The following PCSK2 variants were observed in gnomAD, a reference collection of about 807,000 sequenced individuals.
PCSK2 encodes the protein neuroendocrine convertase 2.
Under a neutral mutation model 69.7 loss-of-function variants are expected in PCSK2, and 14 were observed. The ratio of observed to expected loss-of-function variants is 0.20; its 90% confidence interval spans 0.13 to 0.31. PCSK2 has a LOEUF of 0.31. Among genes scored for constraint, PCSK2 ranks in the 10% least tolerant of loss-of-function variants. The pLI is 1.00. For synonymous variants in PCSK2, 307 were observed against 320.7 expected, an observed-to-expected ratio of 0.96 and a Z score of 0.46; for missense variants, 544 against 842.5, an observed-to-expected ratio of 0.65 and a Z score of 4.39.
At chr20:17,235,098 G>A (rs551442317) in intron 1 of PCSK2, among the ~76,000 whole-genome samples, 3 of 152,252 alleles carry the variant, frequency 2.0e-5, no homozygotes, top group Admixed American at 6.5e-5. Context: ...GTTTATATGC[G>A]AGACACATAT....
intron 2 of PCSK2, among the ~76,000 whole-genome samples, chr20:17,341,294 C>T (rs1990504704): frequency 6.6e-6 from 1 of 152,110 alleles, no homozygotes; most frequent in South Asian, 2.1e-4. Context: ...TCTTCCTACC[C>T]TTACTGCATA....
At chr20:17,238,075 G>A (rs1390590434) in intron 1 of PCSK2, among the ~76,000 whole-genome samples, 3 of 152,120 alleles carry the variant, frequency 2.0e-5, no homozygotes, top group Non-Finnish European at 4.4e-5. Context: ...AAATGGTAAG[G>A]CCTATCCAAG....
At chr20:17,454,196 G>T (rs1041754300) in intron 9 of PCSK2, among the ~76,000 whole-genome samples, 1 of 152,182 alleles carries the variant, frequency 6.6e-6, no homozygotes, top group African/African-American at 2.4e-5. Context: ...GTTTTCCATA[G>T]ATTTTCTTGT....
chr20:17,255,940 T>A (rs1987161623), intron 1 of PCSK2, among the ~76,000 whole-genome samples: 1 of 152,272 alleles, frequency 6.6e-6, no homozygotes, highest in African/African-American at 2.4e-5. Context: ...GGTATTTCTG[T>A]CTTTTCTTCA....
chr20:17,416,646 A>G (rs1274008747), intron 6 of PCSK2, among the ~76,000 whole-genome samples: 1 of 152,230 alleles, frequency 6.6e-6, no homozygotes, highest in East Asian at 1.9e-4. Context: ...TAGAAATATC[A>G]TTTGACCCAG....
At chr20:17,294,766 G>A (rs1251353561) in intron 2 of PCSK2, among the ~76,000 whole-genome samples, 1 of 151,934 alleles carries the variant, frequency 6.6e-6, no homozygotes, top group Non-Finnish European at 1.5e-5. Context: ...CAGTAATCTT[G>A]TCTGTCATTC....
intron 5 of PCSK2, among the ~76,000 whole-genome samples, chr20:17,398,896 A>C (rs1034778521): frequency 4.6e-5 from 7 of 152,202 alleles, no homozygotes; most frequent in Admixed American, 3.3e-4. Context: ...AACCACTGTT[A>C]GTTGATAACT....
chr20:17,278,341 C>T (rs1988171149), intron 2 of PCSK2, among the ~76,000 whole-genome samples: 3 of 152,146 alleles, frequency 2.0e-5, no homozygotes, highest in African/African-American at 7.2e-5. Flanking sequence ...CAATGATAGG[C>T]TGGATTAAGA....
intron 4 of PCSK2, 129 bp from the exon 5 acceptor site, chr20:17,369,111 G>C: frequency 1.3e-6 from 1 of 743,508 alleles, no homozygotes; most frequent in Non-Finnish European, 2.4e-6. Flanking sequence ...TGTGTGATGG[G>C]GCACTCACCC....
At chr20:17,250,710 A>C (rs1986943137) in intron 1 of PCSK2, among the ~76,000 whole-genome samples, 1 of 152,124 alleles carries the variant, frequency 6.6e-6, no homozygotes, top group Admixed American at 6.6e-5. Context: ...TCTTATTTTA[A>C]AAAAACACTA....
intron 11 of PCSK2, among the ~76,000 whole-genome samples, chr20:17,474,648 A>G (rs551107530): frequency 2.0e-5 from 3 of 152,230 alleles, no homozygotes; most frequent in Admixed American, 2.0e-4. Context: ...GGAGAAACAG[A>G]TACGACAGCC....
intron 6 of PCSK2, among the ~76,000 whole-genome samples, chr20:17,423,084 T>C (rs1233665073): frequency 1.3e-5 from 2 of 152,184 alleles, no homozygotes; most frequent in Non-Finnish European, 2.9e-5. Context: ...CCAATTGATT[T>C]AGAAGTTTAT....
intron 10 of PCSK2, among the ~76,000 whole-genome samples, chr20:17,461,437 A>G (rs1028750412): frequency 6.6e-6 from 1 of 152,226 alleles, no homozygotes; most frequent in African/African-American, 2.4e-5. Context: ...GATGAAGAGA[A>G]CGAGACCCAG....
At chr20:17,295,484 CTTAT>C (rs950705170) in intron 2 of PCSK2, among the ~76,000 whole-genome samples, 12 of 146,436 alleles carry the variant, frequency 8.2e-5, no homozygotes, top group South Asian at 4.4e-4. Flanking sequence ...TTTTTATTTA[CTTAT>C]TTATTTATTA....
intron 2 of PCSK2, among the ~76,000 whole-genome samples, chr20:17,318,980 T>C (rs1989779501): frequency 2.0e-5 from 3 of 152,242 alleles, no homozygotes. Flanking sequence ...TGCTCATTTC[T>C]GAGCCAGTGT....
At chr20:17,235,233 T>C (rs1249462951) in intron 1 of PCSK2, among the ~76,000 whole-genome samples, 1 of 152,138 alleles carries the variant, frequency 6.6e-6, no homozygotes, top group Non-Finnish European at 1.5e-5. Context: ...AGTTCTTACA[T>C]TGAAAGTAGA....
rs754614068 is a variant in PCSK2, at chr20:17,260,304, G to A, written c.242G>A (p.Arg81His). The A allele has an allele frequency of 2.0e-5, 33 of 1,613,656 alleles. No homozygotes were observed. The South Asian group carries it at 2.7e-4, about 13-fold the overall frequency. Residue 81 changes from arginine (R) to histidine (H), a missense_variant, in exon 2 of 12, where the codon CGC (arginine) becomes CAC (histidine). By Grantham distance (29) the Arg-to-His change is conservative. Transcript: ENST00000262545. ...HNGLAKAKRR[R>H]SLHHKQQLER... is the part of the protein sequence containing the mutation. ...GGCCTTGCAAAGGCCAAGAGAAGAC[G>A]CAGCCTACACCACAAGCAGCAGCTG...
chr20:17,416,478 T>C (rs772200113), intron 6 of PCSK2, among the ~76,000 whole-genome samples: 13 of 152,152 alleles, frequency 8.5e-5, no homozygotes, highest in Non-Finnish European at 1.6e-4. Flanking sequence ...TGAGATACCA[T>C]CTCACACCAG....
chr20:17,440,726 G>A (rs2032577874), intron 8 of PCSK2, among the ~76,000 whole-genome samples: 1 of 152,130 alleles, frequency 6.6e-6, no homozygotes, highest in Non-Finnish European at 1.5e-5. Context: ...GCCAGGTGTG[G>A]TGGTGGGCAC....
Sources: gnomAD v4.1 joint callset for allele counts (sites outside exome capture counted in the v4.1 genomes callset) on GRCh38, gnomAD v4.1.1 for gene constraint, MANE v1.5 for transcripts, NCBI Gene and HGNC (gene_info 2026-07-23, HGNC 2026-07-21) for gene names.